MARCHF1: variants seen among roughly 807,000 people sequenced by gnomAD.
MARCHF1 encodes E3 ubiquitin-protein ligase MARCHF1.
In MARCHF1, 40 loss-of-function variants were observed where a neutral mutation model predicts 54.2. The ratio of observed to expected loss-of-function variants is 0.74; its 90% CI spans 0.57 to 0.96. MARCHF1 has a LOEUF of 0.96. Ranked by LOEUF, MARCHF1 falls within the 40% of genes least tolerant of loss-of-function variation. The probability of loss-of-function intolerance (pLI) is 0.00; values close to 1 mark genes in which losing one functional copy is unlikely to be tolerated. For synonymous variants in MARCHF1, 236 were observed against 236.3 expected (o/e 1.00, Z 0.01); for missense variants, 586 against 656.5 (o/e 0.89, Z 1.17).
intron 2 of MARCHF1, among the ~76,000 whole-genome samples, chr4:164,102,489 C>G (rs1189151477): frequency 6.8e-6 from 1 of 146,508 alleles, no homozygotes; most frequent in African/African-American, 2.5e-5. Context: ...AATTTTCAAC[C>G]CAGAACTTCA....
chr4:163,903,079 C>T (rs895055652), intron 3 of MARCHF1, among the ~76,000 whole-genome samples: 2 of 151,990 alleles, frequency 1.3e-5, no homozygotes, highest in East Asian at 1.9e-4. Context: ...TCTTTAAAAT[C>T]GACTGAAGAT....
intron 4 of MARCHF1, among the ~76,000 whole-genome samples, chr4:163,845,672 A>G (rs1749465491): frequency 6.6e-6 from 1 of 152,212 alleles, no homozygotes; most frequent in Non-Finnish European, 1.5e-5. Context: ...TATCTAAGTT[A>G]AGCACACAGA....
At chr4:163,538,127 T>C (rs1039356480) in intron 9 of MARCHF1, among the ~76,000 whole-genome samples, 1 of 152,166 alleles carries the variant, frequency 6.6e-6, no homozygotes, top group Non-Finnish European at 1.5e-5. Context: ...TAGGGAAATT[T>C]ACATTTAAAG....
intron 3 of MARCHF1, among the ~76,000 whole-genome samples, chr4:163,902,131 T>C (rs1750955664): frequency 6.6e-6 from 1 of 152,152 alleles, no homozygotes; most frequent in African/African-American, 2.4e-5. Context: ...CTGTTAGAGA[T>C]ACTTGACAAT....
intron 1 of MARCHF1, among the ~76,000 whole-genome samples, chr4:164,218,812 C>A (rs909693538): frequency 3.4e-5 from 5 of 148,860 alleles, no homozygotes; most frequent in Non-Finnish European, 7.4e-5. Flanking sequence ...AACAAACCTG[C>A]ATGTTGTGCA....
intron 4 of MARCHF1, among the ~76,000 whole-genome samples, chr4:163,841,983 T>C (rs900862373): frequency 1.3e-5 from 2 of 152,134 alleles, no homozygotes; most frequent in African/African-American, 4.8e-5. Flanking sequence ...TGACAATTAC[T>C]ATGGTGATAT....
intron 4 of MARCHF1, among the ~76,000 whole-genome samples, chr4:163,732,734 C>CAA (rs964035054): frequency 2.8e-4 from 43 of 152,184 alleles, no homozygotes; most frequent in African/African-American, 1.0e-3. Context: ...ACAAAAGAAA[C>CAA]AAAAGAATCT....
At chr4:163,997,590 T>A (rs4056344) in intron 2 of MARCHF1, among the ~76,000 whole-genome samples, 145,786 of 152,006 alleles carry the variant, frequency 0.96, 70,206 homozygotes, top group East Asian at 1. Context: ...TAATTTGGGG[T>A]TTCTGTGACA....
At chr4:164,175,223 T>C (rs531912759) in intron 1 of MARCHF1, among the ~76,000 whole-genome samples, 1 of 152,324 alleles carries the variant, frequency 6.6e-6, no homozygotes, top group East Asian at 1.9e-4. Flanking sequence ...ACTGCAATTA[T>C]GACTTTTTAT....
intron 8 of MARCHF1, among the ~76,000 whole-genome samples, chr4:163,549,148 C>T (rs998550637): frequency 2.0e-5 from 3 of 152,166 alleles, no homozygotes; most frequent in Non-Finnish European, 4.4e-5. Context: ...CACTCAGGCA[C>T]ACTACACGCG....
chr4:164,363,310 C>G (rs191092978), intron 1 of MARCHF1, among the ~76,000 whole-genome samples: 12 of 152,126 alleles, frequency 7.9e-5, no homozygotes, highest in African/African-American at 2.9e-4. Flanking sequence ...ACAGTTTAAA[C>G]AAAACTATAA....
intron 1 of MARCHF1, among the ~76,000 whole-genome samples, chr4:164,138,093 G>A (rs995647640): frequency 6.6e-6 from 1 of 152,166 alleles, no homozygotes; most frequent in African/African-American, 2.4e-5. Context: ...CCAGCAGCCA[G>A]TGAGCTGTTG....
intron 4 of MARCHF1, among the ~76,000 whole-genome samples, chr4:163,823,863 C>T (rs998189895): frequency 1.2e-4 from 15 of 127,824 alleles, no homozygotes; most frequent in Admixed American, 1.0e-3. Context: ...GAGACAAAAT[C>T]GATGTAAAAT....
chr4:164,145,304 C>T (rs1201707449), intron 1 of MARCHF1, among the ~76,000 whole-genome samples: 1 of 152,036 alleles, frequency 6.6e-6, no homozygotes, highest in Non-Finnish European at 1.5e-5. Context: ...AAGAGGGAAT[C>T]CTCCCTAACT....
At chr4:164,008,399 C>G (rs1017087239) in intron 2 of MARCHF1, among the ~76,000 whole-genome samples, 1 of 152,022 alleles carries the variant, frequency 6.6e-6, no homozygotes, top group Non-Finnish European at 1.5e-5. Flanking sequence ...AACTTTAACA[C>G]CACACTCTCA....
At chr4:163,768,237 T>G (rs1747048714) in intron 4 of MARCHF1, among the ~76,000 whole-genome samples, 1 of 152,180 alleles carries the variant, frequency 6.6e-6, no homozygotes, top group Non-Finnish European at 1.5e-5. Flanking sequence ...TAACTTCTCC[T>G]TCTCAGTTGG....
intron 4 of MARCHF1, among the ~76,000 whole-genome samples, chr4:163,740,401 A>G (rs1356803327): frequency 6.6e-6 from 1 of 152,246 alleles, no homozygotes; most frequent in East Asian, 1.9e-4. Context: ...GGCAGAGGAC[A>G]CAAGAATCAT....
intron 1 of MARCHF1, among the ~76,000 whole-genome samples, chr4:164,134,998 T>C (rs777647525): frequency 5.3e-5 from 8 of 152,230 alleles, no homozygotes; most frequent in Admixed American, 1.3e-4. Context: ...CATTTTATTT[T>C]GTCCTTTGAA....
intron 4 of MARCHF1, among the ~76,000 whole-genome samples, chr4:163,763,246 G>A (rs1006526042): frequency 6.6e-6 from 1 of 151,998 alleles, no homozygotes; most frequent in African/African-American, 2.4e-5. Context: ...ATCATGACCT[G>A]TACTCTGTCC....
Sources: gnomAD v4.1 joint callset for allele counts (sites outside exome capture counted in the v4.1 genomes callset) on GRCh38, gnomAD v4.1.1 for gene constraint, MANE v1.5 for transcripts, NCBI Gene and HGNC (gene_info 2026-07-23, HGNC 2026-07-21) for gene names.